DNM2: variants seen among roughly 807,000 people sequenced by gnomAD.
DNM2 encodes the protein dynamin 2.
DNM2 carries 15 observed loss-of-function variants against 99.0 expected under a neutral mutation model. That is an observed-to-expected ratio of 0.15 (90% CI 0.10 to 0.23). The LOEUF (loss-of-function observed/expected upper bound fraction) is 0.23. Among genes scored for constraint, DNM2 ranks in the 10% least tolerant of loss-of-function variants. DNM2 has a pLI of 1.00. For missense variants in DNM2, 742 were observed against 1,189.4 expected (o/e 0.62, Z 5.53); for synonymous variants, 525 against 481.2 (o/e 1.09, Z -1.19).
In DNM2 at chr19:10,786,671, C is replaced by T. The variant is rs141911457; in HGVS notation, c.957C>T (p.Pro319=). The change falls in exon 7 of 21, where the codon CCC becomes CCT. Residue 319 remains proline, a synonymous_variant. Transcript: ENST00000389253. The part of the protein sequence containing the change: ...KEVEEYKNFR[P]DDPTRKTKAL... The stretch of plus-strand genomic sequence containing the variant: ...TGGAGGAGTACAAGAACTTTCGGCC[C>T]GACGACCCCACCCGCAAAACCAAAG... The T allele has an allele frequency of 5.0e-5, 81 of 1,614,102 alleles. No homozygotes were observed. The highest frequency in any genetic ancestry group is 3.2e-4 in the Admixed American group (19 of 60,010).
At chr19:10,729,399 G>A (rs529920213) in intron 1 of DNM2, among the ~76,000 whole-genome samples, 3 of 152,068 alleles carry the variant, frequency 2.0e-5, no homozygotes, top group East Asian at 1.9e-4. Context: ...AGTGAGAAGC[G>A]GTTTGCCCTG....
intron 1 of DNM2, among the ~76,000 whole-genome samples, chr19:10,742,801 T>G (rs2069802976): frequency 6.6e-6 from 1 of 152,120 alleles, no homozygotes; most frequent in Admixed American, 6.6e-5. Flanking sequence ...TCTCTATCCT[T>G]GGTTTCCCCA....
intron 16 of DNM2, among the ~76,000 whole-genome samples, chr19:10,821,201 C>T (rs1246896714): frequency 2.0e-5 from 3 of 152,088 alleles, no homozygotes; most frequent in African/African-American, 4.8e-5. Flanking sequence ...ACCAGCTGGC[C>T]GTGAAAACCT....
In DNM2 at chr19:10,718,129, T is replaced by A. The variant is rs1344762184; in HGVS notation, c.-114T>A. 8.5e-7 allele frequency: 1 copy of A among 1,173,810 alleles called. No individual in the cohort carries two copies. The highest frequency in any genetic ancestry group is 1.1e-6 in the Non-Finnish European group (1 of 929,904). 72.7% of individuals were successfully genotyped at this position (1,173,810 alleles called of 1,614,324 possible). ...GAGGCCGAGCCGGGAGCGGGCGTCTTGCCGAGGCCCGGGCGGGCGGGGAGC... is the reference window on the plus strand; with the variant it reads ...GAGGCCGAGCCGGGAGCGGGCGTCTAGCCGAGGCCCGGGCGGGCGGGGAGC... On this transcript the variant is annotated 5_prime_UTR_variant, in exon 1 of 21. Transcript: ENST00000389253.
At chr19:10,768,166 C>G (rs1394383941) in intron 2 of DNM2, among the ~76,000 whole-genome samples, 5 of 151,924 alleles carry the variant, frequency 3.3e-5, no homozygotes, top group Non-Finnish European at 7.4e-5. Flanking sequence ...AAGAACAGCC[C>G]CTGCTGGCCG....
chr19:10,723,065 A>G (rs1309615070), intron 1 of DNM2, among the ~76,000 whole-genome samples: 1 of 149,314 alleles, frequency 6.7e-6, no homozygotes, highest in East Asian at 2.0e-4. Flanking sequence ...TCCTGAGTTC[A>G]AGTGATTCTC....
intron 2 of DNM2, among the ~76,000 whole-genome samples, chr19:10,766,435 G>T (rs2070797775): frequency 6.6e-6 from 1 of 152,134 alleles, no homozygotes; most frequent in Non-Finnish European, 1.5e-5. Context: ...ACCCTGAGAA[G>T]GTGGCAGCTT....
In DNM2 at chr19:10,744,259, A is replaced by T. The variant is rs1018320626; in HGVS notation, c.162-15479A>T. Among the ~76,000 whole-genome samples the T allele has an allele frequency of 5.3e-5, 8 of 152,244 alleles. No individual in the cohort carries two copies. The South Asian group carries it at 1.5e-3, about 28-fold the overall frequency. On this transcript the variant is annotated intron_variant, in intron 1 of 20. Transcript: ENST00000389253. ...AGCCTGGGGGAGGCTTTGCCCTGAG[A>T]TGGGAGACTTGGCCTCAGGACATTA...
intron 15 of DNM2, among the ~76,000 whole-genome samples, chr19:10,819,756 T>A (rs1051212201): frequency 2.0e-5 from 3 of 152,124 alleles, no homozygotes; most frequent in African/African-American, 7.2e-5. Flanking sequence ...CCGAAGGCCC[T>A]GGGGTAGGAA....
chr19:10,802,275 C>T lies in DNM2; in HGVS notation c.1423-13C>T, dbSNP rs771343870. The T allele has an allele frequency of 8.1e-5, 131 of 1,613,980 alleles. No individual in the cohort carries two copies. The Middle Eastern group carries it at 4.3e-3, about 53-fold the overall frequency. On this transcript the variant is annotated splice_polypyrimidine_tract_variant and intron_variant, in intron 11 of 20. Coordinates refer to ENST00000389253, the MANE Select transcript of DNM2 (RefSeq NM_001005361.3). ...TTGGCCTTGTACTCACAGTGACCCC[C>T]GCTCTCCCCCAGATTCTTCTGCTGA... is the stretch of plus-strand genomic sequence containing the variant.
At chr19:10,774,772 TA>T (rs1327068011) in intron 3 of DNM2, among the ~76,000 whole-genome samples, 307 of 147,512 alleles carry the variant, frequency 2.1e-3, no homozygotes, top group African/African-American at 7.4e-3. Context: ...TTCTTTATTA[TA>T]TATTTATTTT....
chr19:10,729,738 C>G (rs960601869), intron 1 of DNM2, among the ~76,000 whole-genome samples: 35 of 152,294 alleles, frequency 2.3e-4, no homozygotes, highest in African/African-American at 8.2e-4. Context: ...CCAGCCCGTC[C>G]CTTCCTCCAG....
chr19:10,819,435 C>G (rs2146153642), intron 15 of DNM2, among the ~76,000 whole-genome samples: 1 of 152,254 alleles, frequency 6.6e-6, no homozygotes, highest in South Asian at 2.1e-4. Context: ...AGGCTCGTTT[C>G]AAAGATGGAG....
rs971350536 is a variant in DNM2, at chr19:10,775,063, G to A, written c.386-640G>A. On this transcript the variant is annotated intron_variant, in intron 3 of 20. Transcript: ENST00000389253. The surrounding 1 kb of genome is among the most constrained non-coding windows in gnomAD (Gnocchi z 4.3). ...TGGGATGACAGGCATGAGTCACCGCGCCTGGCCTCATCCATTTGTCTTTTG... is the reference window on the plus strand; with the variant it reads ...TGGGATGACAGGCATGAGTCACCGCACCTGGCCTCATCCATTTGTCTTTTG... Among the ~76,000 whole-genome samples the A allele has an allele frequency of 1.6e-4, 23 of 146,010 alleles. No homozygotes were observed. Among genetic ancestry groups the A allele is most frequent in the African/African-American group, 5.1e-4 (20 of 39,298 alleles).
intron 7 of DNM2, among the ~76,000 whole-genome samples, chr19:10,789,391 C>G (rs1170163249): frequency 6.6e-6 from 1 of 152,076 alleles, no homozygotes; most frequent in Non-Finnish European, 1.5e-5. Flanking sequence ...GCTGTCATCT[C>G]ACATGGCCAT....
intron 5 of DNM2, among the ~76,000 whole-genome samples, chr19:10,782,342 TTTTTTC>T (rs57038484): frequency 2.9e-4 from 42 of 145,300 alleles, no homozygotes; most frequent in Admixed American, 1.9e-3. Context: ...CCTTGAGATT[TTTTTTC>T]TTTTTCTTTT....
At chr19:10,750,794 G>A (rs2070165121) in intron 1 of DNM2, among the ~76,000 whole-genome samples, 1 of 152,072 alleles carries the variant, frequency 6.6e-6, no homozygotes, top group Admixed American at 6.6e-5. Flanking sequence ...TTAGCCGGGT[G>A]TGGTGCTGGG....
chr19:10,798,340 C>T, intron 10 of DNM2, 146 bp from the exon 11 acceptor site: 1 of 684,498 alleles, frequency 1.5e-6, no homozygotes, highest in Non-Finnish European at 2.7e-6. Context: ...GCTGGACTCA[C>T]TGGGGGCCAG....
At position 10,775,987 on chromosome 19, in the gene DNM2, C is replaced by G; in HGVS notation, c.589+81C>G. On this transcript the variant is annotated intron_variant, in intron 4 of 20. Transcript: ENST00000389253. The surrounding 1 kb of genome is among the most constrained non-coding windows in gnomAD (Gnocchi z 4.3). ...GCCCAGCATCCTTGGTTCCAAGTCACTGGCGTTCTCTTTAATCCATGGCCG... is the reference window on the plus strand; with the variant it reads ...GCCCAGCATCCTTGGTTCCAAGTCAGTGGCGTTCTCTTTAATCCATGGCCG... The G allele has an allele frequency of 6.5e-7, 1 of 1,540,778 alleles. No individual in the cohort carries two copies. The highest frequency in any genetic ancestry group is 1.1e-5 in the South Asian group (1 of 87,828).
Sources: allele counts gnomAD v4.1 joint callset (sites outside exome capture counted in the v4.1 genomes callset), GRCh38; gene constraint gnomAD v4.1.1; non-coding constraint Gnocchi (gnomAD v3.1); transcripts MANE v1.5; gene names NCBI Gene and HGNC (gene_info 2026-07-23, HGNC 2026-07-21).